Variants in DAPP1 observed in about 807,000 individuals in gnomAD.
The protein encoded by DAPP1 is dual adaptor of phosphotyrosine and 3-phosphoinositides 1, also known as dual adapter for phosphotyrosine and 3-phosphotyrosine and 3-phosphoinositide.
Under a neutral mutation model 41.5 loss-of-function variants are expected in DAPP1, and 20 were observed. That is an observed-to-expected ratio of 0.48 (90% CI 0.34 to 0.70). The LOEUF is 0.70. DAPP1 is among the 30% of genes least tolerant of loss of function. The pLI, the probability that DAPP1 is intolerant of heterozygous loss-of-function variation, is 0.01. For missense variants in DAPP1, 233 were observed against 333.4 expected (o/e 0.70, Z 2.35); for synonymous variants, 113 against 116.2 (o/e 0.97, Z 0.18).
At chr4:99,820,514 T>A (rs1352184314) in intron 1 of DAPP1, among the ~76,000 whole-genome samples, 1 of 152,260 alleles carries the variant, frequency 6.6e-6, no homozygotes, top group African/African-American at 2.4e-5. Context: ...TTCTCTTTTT[T>A]AAATACTTTC....
intron 1 of DAPP1, among the ~76,000 whole-genome samples, chr4:99,833,075 A>G (rs72911167): frequency 0.016 from 2,410 of 152,374 alleles, 70 homozygotes; most frequent in African/African-American, 0.054. Context: ...TGTTTATTAT[A>G]AAGTTAATTA....
intron 5 of DAPP1, 129 bp downstream of exon 5, chr4:99,861,754 T>C (rs1444982454): frequency 4.7e-6 from 5 of 1,073,466 alleles, no homozygotes; most frequent in Non-Finnish European, 6.8e-6. Context: ...TTTGTAATAT[T>C]CACCTGACTC....
At position 99,863,088 on chromosome 4, in the gene DAPP1, A is replaced by G; in HGVS notation, c.600+16A>G. On this transcript the variant is annotated intron_variant, in intron 6 of 8. Transcript: ENST00000512369. ...AGACCAGATGGTGAGAAACATGATA[A>G]TATATTTTTCCTTTAAAAATCAATT... 1.3e-6 allele frequency: 2 copies of G among 1,530,778 alleles called. No individual in the cohort carries two copies. The highest frequency in any genetic ancestry group is 1.8e-6 in the Non-Finnish European group (2 of 1,135,964). 94.8% of individuals were successfully genotyped at this position (1,530,778 alleles called of 1,614,324 possible).
intron 1 of DAPP1, among the ~76,000 whole-genome samples, chr4:99,819,018 T>C (rs1722682492): frequency 1.3e-5 from 2 of 152,238 alleles, no homozygotes; most frequent in South Asian, 4.1e-4. Context: ...TTTTTCATTT[T>C]AAGTCTGTTG....
intron 3 of DAPP1, among the ~76,000 whole-genome samples, chr4:99,851,218 G>T (rs1484944477): frequency 1.3e-5 from 2 of 152,148 alleles, no homozygotes; most frequent in South Asian, 4.1e-4. Context: ...CATATGACTG[G>T]ATCTGTTCTT....
chr4:99,853,202 T>G lies in DAPP1; in HGVS notation c.359-16T>G. 6.2e-7 allele frequency: 1 copy of G among 1,613,694 alleles called. No individual in the cohort carries two copies. Among genetic ancestry groups the G allele is most frequent in the South Asian group, 1.1e-5 (1 of 91,056 alleles). ...TGGGAACACTGTTCGATTATATATT[T>G]TTCATCTTCATTCAGGCACTCTGAT... On this transcript the variant is annotated splice_polypyrimidine_tract_variant and intron_variant, in intron 3 of 8. Transcript: ENST00000512369.
At chr4:99,842,066 G>A (rs1244167941) in intron 3 of DAPP1, among the ~76,000 whole-genome samples, 2 of 152,228 alleles carry the variant, frequency 1.3e-5, no homozygotes, top group Non-Finnish European at 2.9e-5. Context: ...GTGCTTTCTG[G>A]TTGAACCTTT....
At chr4:99,821,996 CACTA>C (rs535616810) in intron 1 of DAPP1, among the ~76,000 whole-genome samples, 76 of 152,310 alleles carry the variant, frequency 5.0e-4, no homozygotes, top group African/African-American at 1.7e-3. Flanking sequence ...AGCGGTGTGA[CACTA>C]ACTACAGCAA....
chr4:99,865,966 T>TAATATAATATATTA (rs1307444770), intron 7 of DAPP1, 68 bp from the exon 8 acceptor site: 1 of 78,932 alleles, frequency 1.3e-5, no homozygotes, highest in African/African-American at 6.6e-5. Context: ...ATTATATATA[T>TAATATAATATATTA]TATATATATA....
chr4:99,842,030 A>G (rs1723511257), intron 3 of DAPP1, among the ~76,000 whole-genome samples: 1 of 152,212 alleles, frequency 6.6e-6, no homozygotes, highest in Admixed American at 6.5e-5. Context: ...GCAGATTTCA[A>G]AACATTTAAG....
At chr4:99,820,463 A>T (rs1722735352) in intron 1 of DAPP1, among the ~76,000 whole-genome samples, 2 of 152,230 alleles carry the variant, frequency 1.3e-5, no homozygotes, top group South Asian at 4.1e-4. Context: ...TATTCAAATG[A>T]TCTAGTCAGT....
At chr4:99,839,372 GATATCTATAGAT>G (rs1227588010) in intron 2 of DAPP1, among the ~76,000 whole-genome samples, 58 of 107,048 alleles carry the variant, frequency 5.4e-4, no homozygotes, top group African/African-American at 2.3e-3. Context: ...GATATATATA[GATATCTATAGAT>G]ATATATAGAT....
intron 3 of DAPP1, among the ~76,000 whole-genome samples, chr4:99,847,056 G>A (rs1192510596): frequency 6.6e-6 from 1 of 152,166 alleles, no homozygotes; most frequent in African/African-American, 2.4e-5. Context: ...AACACGGATG[G>A]ACATGATCTG....
At chr4:99,858,928 G>A (rs780905902) in intron 4 of DAPP1, among the ~76,000 whole-genome samples, 25 of 151,088 alleles carry the variant, frequency 1.7e-4, no homozygotes, top group African/African-American at 3.9e-4. Flanking sequence ...GTGTCACTCC[G>A]TCACTCTGTC....
chr4:99,866,659 T>C, intron 8 of DAPP1: 2 of 759,096 alleles, frequency 2.6e-6, no homozygotes, highest in Non-Finnish European at 4.8e-6. Context: ...TACTTGTTTT[T>C]CATGTGCTTG....
intron 3 of DAPP1, among the ~76,000 whole-genome samples, chr4:99,842,739 C>A (rs1338468350): frequency 1.3e-5 from 2 of 152,162 alleles, no homozygotes; most frequent in African/African-American, 4.8e-5. Flanking sequence ...AAAAATAGGC[C>A]TTTTCTTCTT....
intron 1 of DAPP1, among the ~76,000 whole-genome samples, chr4:99,835,347 A>G (rs998159879): frequency 1.3e-5 from 2 of 152,150 alleles, no homozygotes; most frequent in Non-Finnish European, 1.5e-5. Flanking sequence ...CTGTCTCCAA[A>G]CAAGGTCACA....
chr4:99,864,161 G>C (rs1443755384), intron 7 of DAPP1: 1 of 192,640 alleles, frequency 5.2e-6, no homozygotes, highest in African/African-American at 2.4e-5. Context: ...TTATAACTTT[G>C]TTGACTCTAA....
rs1361063932 is a variant in DAPP1, at chr4:99,816,993, C to G, written c.80C>G (p.Ala27Gly). 5 of 1,603,342 alleles carry G rather than the reference C, an allele frequency of 3.1e-6. No homozygotes were observed. The highest frequency in any genetic ancestry group is 4.3e-6 in the Non-Finnish European group (5 of 1,175,204). The change falls in exon 1 of 9, where the codon GCT becomes GGT. Residue 27 changes from alanine to glycine, a missense_variant. Ala to Gly is a moderately conservative substitution (Grantham distance 60). Coordinates refer to ENST00000512369, the MANE Select transcript of DAPP1 (RefSeq NM_014395.3). ...CTGTGGAGCAGATCCGATGGAGAGGCTGAGCTGCTCCAGGACTTGGGGTAA... is the reference window on the plus strand; with the variant it reads ...CTGTGGAGCAGATCCGATGGAGAGGGTGAGCTGCTCCAGGACTTGGGGTAA... ...SDLWSRSDGEAELLQDLGWYH... is the reference protein window; with the variant it reads ...SDLWSRSDGEGELLQDLGWYH...
Sources: allele counts gnomAD v4.1 joint callset (sites outside exome capture counted in the v4.1 genomes callset), GRCh38; gene constraint gnomAD v4.1.1; transcripts MANE v1.5; gene names NCBI Gene and HGNC (gene_info 2026-07-23, HGNC 2026-07-21).